ACSM5: variants seen among roughly 807,000 people sequenced by gnomAD.
ACSM5 encodes the protein acyl-CoA synthetase medium chain family member 5, also known as acyl-coenzyme A synthetase ACSM5, mitochondrial.
In ACSM5, 56 loss-of-function variants were observed where a neutral mutation model predicts 71.6. The ratio of observed to expected loss-of-function variants is 0.78; its 90% CI spans 0.63 to 0.98. The LOEUF is 0.98. Ranked by LOEUF, ACSM5 falls within the 50% of genes least tolerant of loss-of-function variation. The pLI is 0.00. For synonymous variants in ACSM5, 285 were observed against 281.5 expected (o/e 1.01, Z -0.12); for missense variants, 723 against 726.0 (o/e 1.00, Z 0.05).
chr16:20,423,075 GA>G (rs1398030035), intron 5 of ACSM5, among the ~76,000 whole-genome samples: 1 of 152,188 alleles, frequency 6.6e-6, no homozygotes, highest in Non-Finnish European at 1.5e-5. Context: ...GATTCATGCT[GA>G]ACTTATCAGT....
At chr16:20,439,950 T>C in intron 13 of ACSM5, 31 bp downstream of exon 13, 1 of 1,610,800 alleles carries the variant, frequency 6.2e-7, no homozygotes, top group Non-Finnish European at 8.5e-7. Flanking sequence ...GGCACAGTGA[T>C]CTGGGAATCA....
intron 6 of ACSM5, among the ~76,000 whole-genome samples, chr16:20,425,380 T>A (rs2141651520): frequency 6.6e-6 from 1 of 152,344 alleles, no homozygotes; most frequent in Admixed American, 6.5e-5. Flanking sequence ...TTTCCATTCA[T>A]CTGTTGATGG....
chr16:20,428,614 A>G (rs892547820), intron 7 of ACSM5, among the ~76,000 whole-genome samples: 1 of 152,052 alleles, frequency 6.6e-6, no homozygotes, highest in Non-Finnish European at 1.5e-5. Flanking sequence ...GAATCTACCC[A>G]CCAAGTGTCC....
chr16:20,438,553 G>A (rs955800341), intron 12 of ACSM5, among the ~76,000 whole-genome samples: 12 of 151,766 alleles, frequency 7.9e-5, no homozygotes, highest in African/African-American at 2.2e-4. Context: ...TACCTCAAAC[G>A]TATGCCTAGT....
At chr16:20,426,569 C>T (rs1282753067) in intron 6 of ACSM5, among the ~76,000 whole-genome samples, 40 of 152,252 alleles carry the variant, frequency 2.6e-4, no homozygotes, top group South Asian at 2.1e-3. Context: ...GAATATTACC[C>T]AGCCTTAAAA....
chr16:20,423,939 C>T lies in ACSM5; in HGVS notation c.791C>T (p.Ser264Phe), dbSNP rs200180792. 3,456 of 1,614,148 alleles carry T rather than the reference C, an allele frequency of 2.1e-3. 92 individuals are homozygous for T. In the South Asian group the frequency reaches 0.035, roughly 16 times the overall value. ...AGACGGTGGGTGGCCTTGACCGAAT[C>T]TGACATCTTCTGGAACACGACTGAC... ...SGRRWVALTESDIFWNTTDTG... is the reference protein window; with the variant it reads ...SGRRWVALTEFDIFWNTTDTG... The change falls in exon 6 of 14, where the codon TCT becomes TTT. Residue 264 changes from serine to phenylalanine, a missense_variant. By Grantham distance (155) the Ser-to-Phe change is radical. Coordinates refer to ENST00000331849, the MANE Select transcript of ACSM5 (RefSeq NM_017888.3).
chr16:20,420,717 A>C (rs574522871), intron 4 of ACSM5, among the ~76,000 whole-genome samples: 5 of 152,226 alleles, frequency 3.3e-5, no homozygotes, highest in Non-Finnish European at 5.9e-5. Context: ...TTAAGAAAAC[A>C]TTAAAGATTC....
intron 6 of ACSM5, 56 bp downstream of exon 6, chr16:20,424,125 G>A: frequency 1.3e-6 from 2 of 1,588,576 alleles, no homozygotes; most frequent in South Asian, 2.3e-5. Flanking sequence ...GAGATGAGTG[G>A]GATATAGATT....
chr16:20,425,699 G>A (rs1327171772), intron 6 of ACSM5, among the ~76,000 whole-genome samples: 1 of 152,116 alleles, frequency 6.6e-6, no homozygotes, highest in East Asian at 1.9e-4. Flanking sequence ...CCATTTCTGA[G>A]TTACTTTACT....
chr16:20,431,821 C>T (rs897671586), intron 10 of ACSM5, among the ~76,000 whole-genome samples: 24 of 152,000 alleles, frequency 1.6e-4, no homozygotes, highest in African/African-American at 5.6e-4. Context: ...CATGGTGGCG[C>T]ACGCCTCTAT....
chr16:20,412,165 G>A (rs1177154176), intron 2 of ACSM5: 1 of 156,884 alleles, frequency 6.4e-6, no homozygotes, highest in Admixed American at 6.1e-5. Context: ...CACCAACATG[G>A]TGAAACTCCG....
chr16:20,418,564 C>A (rs1006249283), intron 3 of ACSM5, among the ~76,000 whole-genome samples: 6 of 152,116 alleles, frequency 3.9e-5, no homozygotes, highest in African/African-American at 1.4e-4. Context: ...AATGTTCCCA[C>A]GACAGAATGA....
At position 20,411,702 on chromosome 16, in the gene ACSM5, T is replaced by C; in HGVS notation, c.204+14T>C. On this transcript the variant is annotated intron_variant, in intron 2 of 13. Transcript: ENST00000331849. ...CGGCTGGAAGAGGTGAAGCCTGTTC[T>C]GTCCTAGAGTCCATCTGGGGCATCT... The C allele has an allele frequency of 6.2e-7, 1 of 1,613,220 alleles. No homozygotes were observed. The highest frequency in any genetic ancestry group is 1.7e-5 in the Admixed American group (1 of 60,024).
chr16:20,410,909 C>CA (rs374488705), intron 1 of ACSM5, among the ~76,000 whole-genome samples: 27 of 150,294 alleles, frequency 1.8e-4, no homozygotes, highest in South Asian at 4.2e-4. Context: ...GACTTAGTAC[C>CA]AAAAAAAACA....
intron 12 of ACSM5, among the ~76,000 whole-genome samples, chr16:20,439,467 T>C (rs1357329390): frequency 6.6e-6 from 1 of 151,896 alleles, no homozygotes; most frequent in Non-Finnish European, 1.5e-5. Context: ...AAAATGGCCC[T>C]AGGAGTTTAT....
At chr16:20,418,382 G>A in intron 3 of ACSM5, 113 bp downstream of exon 3, 1 of 1,065,694 alleles carries the variant, frequency 9.4e-7, no homozygotes, top group East Asian at 2.6e-5. Context: ...GTGGAGTTGT[G>A]TTTACTTCCT....
chr16:20,422,410 T>G (rs573120387), intron 5 of ACSM5, among the ~76,000 whole-genome samples: 1 of 152,208 alleles, frequency 6.6e-6, no homozygotes, highest in East Asian at 1.9e-4. Flanking sequence ...GCACCTGGCC[T>G]CGACCACATT....
At chr16:20,419,183 G>A (rs1205952018) in intron 3 of ACSM5, 45 bp from the exon 4 acceptor site, 4 of 1,598,302 alleles carry the variant, frequency 2.5e-6, no homozygotes, top group East Asian at 2.2e-5. Context: ...TATACCCAAG[G>A]CCTTCCCCGC....
chr16:20,427,551 T>G (rs1391078251), intron 6 of ACSM5, among the ~76,000 whole-genome samples: 1 of 152,236 alleles, frequency 6.6e-6, no homozygotes, highest in African/African-American at 2.4e-5. Context: ...ATTCATCACC[T>G]TGGCAGTATG....
Sources: gnomAD v4.1 joint callset for allele counts (sites outside exome capture counted in the v4.1 genomes callset) on GRCh38, gnomAD v4.1.1 for gene constraint, MANE v1.5 for transcripts, NCBI Gene and HGNC (gene_info 2026-07-23, HGNC 2026-07-21) for gene names.